The following DAW1 variants were observed in gnomAD, a reference collection of about 807,000 sequenced individuals.
The protein encoded by DAW1 is dynein assembly factor with WD repeat domains 1.
In DAW1, 47 loss-of-function variants were observed where a neutral mutation model predicts 56.5. That is an observed-to-expected ratio of 0.83 (90% CI 0.66 to 1.06). DAW1 has a LOEUF of 1.06. DAW1 is among the 50% of genes least tolerant of loss of function. The pLI is 0.00. For synonymous variants in DAW1, 190 were observed against 179.0 expected (o/e 1.06, Z -0.49); for missense variants, 505 against 499.3 (o/e 1.01, Z -0.11).
At chr2:227,917,730 A>G (rs1256688827) in intron 10 of DAW1, among the ~76,000 whole-genome samples, 2 of 152,126 alleles carry the variant, frequency 1.3e-5, no homozygotes, top group African/African-American at 4.8e-5. Flanking sequence ...CAAATTGGTC[A>G]CTTCCCTTTA....
intron 2 of DAW1, among the ~76,000 whole-genome samples, chr2:227,888,322 T>A (rs972154721): frequency 5.3e-5 from 8 of 152,198 alleles, no homozygotes; most frequent in African/African-American, 1.9e-4. Context: ...GGGAATTGGA[T>A]ACTGAGACAG....
chr2:227,887,534 C>A (rs1326790443), intron 2 of DAW1: 1 of 152,158 alleles, frequency 6.6e-6, no homozygotes, highest in East Asian at 1.9e-4. Context: ...TAGAACATCA[C>A]ACAAGTGGTA....
intron 10 of DAW1, among the ~76,000 whole-genome samples, chr2:227,916,322 C>T (rs562925256): frequency 7.2e-5 from 11 of 152,234 alleles, no homozygotes; most frequent in Admixed American, 3.3e-4. Flanking sequence ...TTTGATGCTG[C>T]AAGATATCTG....
At chr2:227,878,447 C>T (rs941260202) in intron 1 of DAW1, among the ~76,000 whole-genome samples, 1 of 152,114 alleles carries the variant, frequency 6.6e-6, no homozygotes, top group Admixed American at 6.5e-5. Flanking sequence ...ATCAACTGGG[C>T]ATGGTGGTGC....
chr2:227,881,895 G>A (rs1691020438), intron 1 of DAW1, among the ~76,000 whole-genome samples: 1 of 151,972 alleles, frequency 6.6e-6, no homozygotes, highest in Non-Finnish European at 1.5e-5. Flanking sequence ...TTGGATTACA[G>A]GTGCCTGCCG....
chr2:227,882,540 T>C (rs1206996387), intron 1 of DAW1, among the ~76,000 whole-genome samples: 4 of 152,218 alleles, frequency 2.6e-5, no homozygotes, highest in Non-Finnish European at 5.9e-5. Context: ...TAGGAGTGCA[T>C]GTATTTTGAG....
chr2:227,913,988 ATCTCTCTC>A (rs71723734), intron 10 of DAW1, among the ~76,000 whole-genome samples: 4 of 147,622 alleles, frequency 2.7e-5, no homozygotes, highest in African/African-American at 5.0e-5. Context: ...ATATATCTGT[ATCTCTCTC>A]TCTCTCTCTC....
At chr2:227,917,970 T>TA (rs1212966986) in intron 10 of DAW1, among the ~76,000 whole-genome samples, 2 of 152,206 alleles carry the variant, frequency 1.3e-5, no homozygotes, top group African/African-American at 4.8e-5. Context: ...ATCAGAGATT[T>TA]AAAAAAGCAG....
chr2:227,906,525 A>G (rs1379143124), intron 9 of DAW1, among the ~76,000 whole-genome samples, 187 bp downstream of exon 9: 5 of 152,232 alleles, frequency 3.3e-5, no homozygotes, highest in Non-Finnish European at 7.3e-5. Context: ...ATTGTGATGT[A>G]GTAAAGCAAT....
rs1691458928 is a variant in DAW1 at position 227,898,234 on chromosome 2, G to A, written c.493G>A (p.Glu165Lys). The A allele has an allele frequency of 6.3e-7, 1 of 1,577,072 alleles. No homozygotes were observed. The highest frequency in any genetic ancestry group is 1.7e-5 in the Admixed American group (1 of 59,030). Residue 165 changes from glutamate (E) to lysine (K), a missense_variant, in exon 6 of 13, where the codon GAA becomes AAA. Coordinates refer to ENST00000309931, the MANE Select transcript of DAW1 (RefSeq NM_178821.3). ...FDKTCKLWSV[E>K]TGKCYHTFRG... is the part of the protein sequence containing the mutation. ...TAAAACTTGTAAACTCTGGAGTGTG[G>A]AAACAGGAAAATGTTACCATACCTT...
intron 10 of DAW1, among the ~76,000 whole-genome samples, chr2:227,916,753 T>A (rs1410870404): frequency 6.6e-6 from 1 of 152,224 alleles, no homozygotes. Context: ...GTCTTTTTCA[T>A]CTACCTGAAC....
chr2:227,918,595 C>A (rs1251521843), intron 10 of DAW1, among the ~76,000 whole-genome samples, 185 bp from the exon 11 acceptor site: 1 of 152,150 alleles, frequency 6.6e-6, no homozygotes, highest in Non-Finnish European at 1.5e-5. Context: ...CCCTCTCACC[C>A]TCTCCTGCAA....
At chr2:227,922,193 A>G (rs1340658228) in intron 12 of DAW1, among the ~76,000 whole-genome samples, 1 of 152,254 alleles carries the variant, frequency 6.6e-6, no homozygotes, top group African/African-American at 2.4e-5. Flanking sequence ...GTTAGTAACC[A>G]AAACAAGTCA....
chr2:227,918,404 CA>C (rs1270849870), intron 10 of DAW1, among the ~76,000 whole-genome samples: 1 of 152,216 alleles, frequency 6.6e-6, no homozygotes, highest in East Asian at 1.9e-4. Context: ...TGCAGAAACT[CA>C]GACTCACACC....
At chr2:227,894,424 A>T (rs1392958561) in intron 5 of DAW1, among the ~76,000 whole-genome samples, 1 of 152,106 alleles carries the variant, frequency 6.6e-6, no homozygotes, top group Non-Finnish European at 1.5e-5. Flanking sequence ...TTAAAAAAAA[A>T]AGAATACAAG....
intron 10 of DAW1, among the ~76,000 whole-genome samples, chr2:227,912,036 A>T (rs984482200): frequency 6.6e-6 from 1 of 151,832 alleles, no homozygotes; most frequent in Non-Finnish European, 1.5e-5. Context: ...CATGACAACA[A>T]TATTTGGCTC....
intron 10 of DAW1, among the ~76,000 whole-genome samples, chr2:227,910,391 C>A (rs1691786105): frequency 6.6e-6 from 1 of 151,880 alleles, no homozygotes; most frequent in Admixed American, 6.6e-5. Flanking sequence ...ATAACCTGAG[C>A]CCAGGAGGAG....
At chr2:227,887,399 G>T (rs1190357342) in intron 2 of DAW1, among the ~76,000 whole-genome samples, 1 of 152,140 alleles carries the variant, frequency 6.6e-6, no homozygotes, top group African/African-American at 2.4e-5. Context: ...TTATGTATAT[G>T]TACCTTCAAC....
intron 1 of DAW1, among the ~76,000 whole-genome samples, chr2:227,873,121 G>GT (rs1297537356): frequency 6.6e-6 from 1 of 152,052 alleles, no homozygotes; most frequent in Non-Finnish European, 1.5e-5. Context: ...TCACTCATTC[G>GT]TTTTTTGGAC....
Sources: gnomAD v4.1 joint callset for allele counts (sites outside exome capture counted in the v4.1 genomes callset) on GRCh38, gnomAD v4.1.1 for gene constraint, MANE v1.5 for transcripts, NCBI Gene and HGNC (gene_info 2026-07-23, HGNC 2026-07-21) for gene names.